PDE3B: variants seen among roughly 807,000 people sequenced by gnomAD.
PDE3B encodes phosphodiesterase 3B.
In PDE3B, 66 loss-of-function variants were observed where a neutral mutation model predicts 116.8. That is an observed-to-expected ratio of 0.56 (90% CI 0.46 to 0.69). The LOEUF (loss-of-function observed/expected upper bound fraction) is 0.69. Ranked by LOEUF, PDE3B falls within the 30% of genes least tolerant of loss-of-function variation. The pLI is 0.00. For synonymous variants in PDE3B, 595 were observed against 533.6 expected, an observed-to-expected ratio of 1.12 and a Z score of -1.59; for missense variants, 1,384 against 1,368.1, an observed-to-expected ratio of 1.01 and a Z score of -0.18.
chr11:14,885,653 GTAAA>G, the PDE3B span: 20 of 1,064,566 alleles, frequency 1.9e-5, no homozygotes, highest in Non-Finnish European at 2.5e-5. Context: ...ACTAGGTTCT[GTAAA>G]TAAATAGTTT....
chr11:14,897,531 G>T, the PDE3B span, among the ~76,000 whole-genome samples: 1 of 152,138 alleles, frequency 6.6e-6, no homozygotes, highest in Admixed American at 6.5e-5. Context: ...AACAACCTGG[G>T]CCTGTATCTG....
chr11:14,891,967 C>T, the PDE3B span: 8 of 1,611,362 alleles, frequency 5.0e-6, no homozygotes, highest in African/African-American at 8.0e-5. Flanking sequence ...GCCCGGGGCC[C>T]GTCGGGGCTG....
At chr11:14,794,211 G>A (rs545505376) in intron 4 of PDE3B, among the ~76,000 whole-genome samples, 24 of 152,246 alleles carry the variant, frequency 1.6e-4, no homozygotes, top group Admixed American at 1.6e-3. Flanking sequence ...CAGATGTGTG[G>A]GGATTTCTCC....
chr11:14,686,468 G>A (rs1440727669), intron 1 of PDE3B, among the ~76,000 whole-genome samples: 1 of 152,154 alleles, frequency 6.6e-6, no homozygotes, highest in African/African-American at 2.4e-5. Flanking sequence ...TTGAAATAGT[G>A]GTGAACTTTT....
At chr11:14,800,067 T>C (rs1012118701) in intron 4 of PDE3B, among the ~76,000 whole-genome samples, 3 of 152,328 alleles carry the variant, frequency 2.0e-5, no homozygotes, top group East Asian at 1.9e-4. Context: ...TGGCTGGTAC[T>C]GGTTGTTCCT....
chr11:14,650,866 G>GA (rs1853555195), intron 1 of PDE3B, among the ~76,000 whole-genome samples: 2 of 151,946 alleles, frequency 1.3e-5, no homozygotes. Flanking sequence ...AGAGCTCCCA[G>GA]AAAGTATTGA....
intron 2 of PDE3B, 121 bp from the exon 3 acceptor site, chr11:14,786,312 AAATT>A: frequency 1.5e-6 from 1 of 657,036 alleles, no homozygotes; most frequent in South Asian, 2.9e-5. Context: ...AAAAAGAAAA[AAATT>A]AAAGTTCACG....
intron 1 of PDE3B, among the ~76,000 whole-genome samples, chr11:14,667,184 A>G (rs1407192062): frequency 6.6e-6 from 1 of 151,762 alleles, no homozygotes; most frequent in Non-Finnish European, 1.5e-5. Context: ...TATCGCAAGG[A>G]CAAAAAACCA....
chr11:14,662,741 G>C, intron 1 of PDE3B, among the ~76,000 whole-genome samples: 1 of 152,222 alleles, frequency 6.6e-6, no homozygotes, highest in East Asian at 1.9e-4. Context: ...ACTGAAGCGA[G>C]AAGGGAAGTT....
intron 14 of PDE3B, among the ~76,000 whole-genome samples, chr11:14,864,534 T>C (rs1335755483): frequency 6.6e-6 from 1 of 152,122 alleles, no homozygotes; most frequent in African/African-American, 2.4e-5. Context: ...TGTTCTAAAA[T>C]TGACCACATA....
chr11:14,844,163 A>G (rs1053117900), intron 12 of PDE3B, 137 bp downstream of exon 12: 15 of 644,280 alleles, frequency 2.3e-5, no homozygotes, highest in Non-Finnish European at 4.1e-5. Flanking sequence ...AATTAATTGG[A>G]TAACACATGG....
At chr11:14,855,372 A>C (rs1847830191) in intron 12 of PDE3B, among the ~76,000 whole-genome samples, 1 of 152,198 alleles carries the variant, frequency 6.6e-6, no homozygotes, top group African/African-American at 2.4e-5. Context: ...ATTCCCGAGA[A>C]GATGAAAACA....
intron 3 of PDE3B, 63 bp from the exon 4 acceptor site, chr11:14,789,043 T>C (rs1322446531): frequency 8.6e-7 from 1 of 1,167,232 alleles, no homozygotes; most frequent in Non-Finnish European, 1.2e-6. Flanking sequence ...GTGCCATCAC[T>C]AATATTACAT....
At chr11:14,660,734 C>A (rs540842695) in intron 1 of PDE3B, among the ~76,000 whole-genome samples, 2 of 152,170 alleles carry the variant, frequency 1.3e-5, no homozygotes, top group South Asian at 4.1e-4. Context: ...ATAGCTGCTT[C>A]GGGAGTGTGG....
chr11:14,684,842 A>G (rs980589266), intron 1 of PDE3B, among the ~76,000 whole-genome samples: 1 of 152,138 alleles, frequency 6.6e-6, no homozygotes, highest in Non-Finnish European at 1.5e-5. Flanking sequence ...ATATGGCTCT[A>G]TTCTGCCTGA....
intron 1 of PDE3B, among the ~76,000 whole-genome samples, chr11:14,760,312 C>T (rs1347930958): frequency 6.6e-6 from 1 of 152,128 alleles, no homozygotes; most frequent in Non-Finnish European, 1.5e-5. Context: ...TATAATGGAA[C>T]AAGTGATATT....
intron 1 of PDE3B, among the ~76,000 whole-genome samples, chr11:14,667,836 A>C (rs1167793922): frequency 8.7e-5 from 2 of 23,108 alleles, no homozygotes; most frequent in Admixed American, 1.1e-3. Context: ...CTTAAAGTAT[A>C]ATAATAATAA....
intron 2 of PDE3B, chr11:14,775,048 A>G (rs1436766900): frequency 6.6e-6 from 1 of 152,202 alleles, no homozygotes; most frequent in African/African-American, 2.4e-5. Flanking sequence ...TTAGTGAGGC[A>G]TACCCCAACT....
intron 1 of PDE3B, among the ~76,000 whole-genome samples, chr11:14,646,168 C>A (rs934379299): frequency 6.6e-6 from 1 of 152,294 alleles, no homozygotes; most frequent in East Asian, 1.9e-4. Context: ...TAGTGATATG[C>A]TTTACACTGG....
Sources: allele counts gnomAD v4.1 joint callset (sites outside exome capture counted in the v4.1 genomes callset), GRCh38; gene constraint gnomAD v4.1.1; transcripts MANE v1.5; gene names NCBI Gene and HGNC (gene_info 2026-07-23, HGNC 2026-07-21).